The following DNAJC11 variants were observed in gnomAD, a reference collection of about 807,000 sequenced individuals.
DNAJC11 encodes the protein DnaJ heat shock protein family (Hsp40) member C11.
Under a neutral mutation model 78.6 loss-of-function variants are expected in DNAJC11, and 15 were observed. The ratio of observed to expected loss-of-function variants is 0.19; its 90% CI spans 0.13 to 0.29. DNAJC11 has a LOEUF of 0.29. Among genes scored for constraint, DNAJC11 ranks in the 10% least tolerant of loss-of-function variants. DNAJC11 has a pLI of 1.00. For missense variants in DNAJC11, 547 were observed against 709.6 expected, an observed-to-expected ratio of 0.77 and a Z score of 2.60; for synonymous variants, 292 against 272.1, an observed-to-expected ratio of 1.07 and a Z score of -0.72.
chr1:6,654,391 C>T (rs574157329), intron 4 of DNAJC11: 2 of 167,856 alleles, frequency 1.2e-5, no homozygotes, highest in African/African-American at 4.8e-5. Flanking sequence ...TGCACAAAAC[C>T]ACCTAGAAAT....
chr1:6,681,131 G>T, intron 1 of DNAJC11, 94 bp from the exon 2 acceptor site: 1 of 1,324,764 alleles, frequency 7.5e-7, no homozygotes, highest in Non-Finnish European at 1.0e-6. Flanking sequence ...CATCAGCCAC[G>T]TCCCAATGTG....
intron 2 of DNAJC11, among the ~76,000 whole-genome samples, chr1:6,679,011 T>C (rs1046075267): frequency 2.0e-5 from 3 of 152,182 alleles, no homozygotes; most frequent in African/African-American, 7.2e-5. Context: ...GTGTCCAAGT[T>C]ACTCTTGATT....
chr1:6,691,235 G>T (rs1557489551), intron 1 of DNAJC11, among the ~76,000 whole-genome samples: 1 of 150,612 alleles, frequency 6.6e-6, no homozygotes, highest in African/African-American at 2.4e-5. Flanking sequence ...AAGGTTTACG[G>T]GGCAGAGAAG....
intron 7 of DNAJC11, 101 bp from the exon 8 acceptor site, chr1:6,646,079 C>A: frequency 8.4e-7 from 1 of 1,190,862 alleles, no homozygotes; most frequent in Non-Finnish European, 1.2e-6. Flanking sequence ...ACTGTCACGT[C>A]TATGCATCCC....
chr1:6,677,739 G>C (rs541373088), intron 3 of DNAJC11, among the ~76,000 whole-genome samples: 1 of 152,208 alleles, frequency 6.6e-6, no homozygotes, highest in African/African-American at 2.4e-5. Flanking sequence ...CTGCTAGTCA[G>C]TGGCAGTGTG....
chr1:6,652,533 T>G (rs1642071464), intron 6 of DNAJC11, among the ~76,000 whole-genome samples: 1 of 152,136 alleles, frequency 6.6e-6, no homozygotes. Context: ...TGGGTTCATG[T>G]GATTCTCGTG....
At chr1:6,690,053 C>A (rs156987) in intron 1 of DNAJC11, among the ~76,000 whole-genome samples, 32,114 of 152,052 alleles carry the variant, frequency 0.21, 3,827 homozygotes, top group Admixed American at 0.32. Flanking sequence ...TCGGAAAGAT[C>A]AAGTGACTTA....
chr1:6,651,702 T>A (rs1570275932), intron 6 of DNAJC11, 100 bp from the exon 7 acceptor site: 1 of 853,910 alleles, frequency 1.2e-6, no homozygotes, highest in East Asian at 2.6e-5. Flanking sequence ...CTTCATTCAA[T>A]TCACTGGTCT....
intron 1 of DNAJC11, 148 bp downstream of exon 1, chr1:6,701,578 GGGC>G (rs1475905957): frequency 1.4e-6 from 1 of 720,782 alleles, no homozygotes; most frequent in Non-Finnish European, 2.0e-6. Context: ...CGCCTCCATC[GGGC>G]GGCTGGCGTG....
chr1:6,650,858 G>C (rs1400919003), intron 7 of DNAJC11, among the ~76,000 whole-genome samples: 1 of 152,200 alleles, frequency 6.6e-6, no homozygotes, highest in African/African-American at 2.4e-5. Flanking sequence ...GGGCAAGACA[G>C]AGCAAGACCC....
At position 6,694,781 on chromosome 1, in the gene DNAJC11, C is replaced by T. The variant is rs577481402; in HGVS notation, c.72+6948G>A. Among the ~76,000 whole-genome samples the T allele has an allele frequency of 1.3e-4, 20 of 148,158 alleles. No individual in the cohort carries two copies. In the South Asian group the frequency reaches 3.2e-3, roughly 24 times the overall value. On this transcript the variant is annotated intron_variant, in intron 1 of 15. Coordinates refer to ENST00000377577, the MANE Select transcript of DNAJC11 (RefSeq NM_018198.4). Reference sequence around the variant, plus strand: ...GAGATCGAGACCATCCTGGCTAACACGGTGAAACCCCGTCTCTACTAAAAA... The same window carrying T: ...GAGATCGAGACCATCCTGGCTAACATGGTGAAACCCCGTCTCTACTAAAAA...
intron 1 of DNAJC11, among the ~76,000 whole-genome samples, chr1:6,692,805 T>C (rs1270422561): frequency 1.3e-5 from 2 of 152,024 alleles, no homozygotes; most frequent in Non-Finnish European, 2.9e-5. Flanking sequence ...GAGATGGGGT[T>C]TCTCCATGTT....
At chr1:6,675,310 T>G (rs554931149) in intron 3 of DNAJC11, among the ~76,000 whole-genome samples, 228 of 151,816 alleles carry the variant, frequency 1.5e-3, no homozygotes, top group African/African-American at 5.3e-3. Context: ...AAAAGCCAAT[T>G]CTGATCTATG....
intron 3 of DNAJC11, among the ~76,000 whole-genome samples, chr1:6,676,825 A>G (rs1469875565): frequency 6.6e-6 from 1 of 152,198 alleles, no homozygotes; most frequent in Admixed American, 6.5e-5. Context: ...AGGCCTTTAC[A>G]AGGCTTTGAT....
At chr1:6,684,026 T>C (rs1244083526) in intron 1 of DNAJC11, among the ~76,000 whole-genome samples, 1 of 152,154 alleles carries the variant, frequency 6.6e-6, no homozygotes, top group Admixed American at 6.5e-5. Flanking sequence ...GGTTTACTTA[T>C]GTGATGATGT....
At chr1:6,648,702 T>C (rs1642005260) in intron 7 of DNAJC11, among the ~76,000 whole-genome samples, 2 of 152,102 alleles carry the variant, frequency 1.3e-5, no homozygotes, top group South Asian at 4.1e-4. Context: ...AGTGATCGTC[T>C]CACCTGGCCT....
Position 6,653,888 on chromosome 1 carries a change from G to T in DNAJC11, c.507+23C>A, listed in dbSNP as rs765756313. 3 of 1,609,640 alleles carry T rather than the reference G, an allele frequency of 1.9e-6. No homozygotes were observed. Among genetic ancestry groups the T allele is most frequent in the East Asian group, 2.2e-5 (1 of 44,642 alleles). On this transcript the variant is annotated intron_variant, in intron 5 of 15. Transcript: ENST00000377577. This position sits in a 1 kb window ranked among gnomAD's most constrained non-coding sequence, Gnocchi z 4.5. ...ATTAACTCGAGCCCTTGCTGTACTC[G>T]GAGAGGTGGTTGTGTGCTTTACCTC... is the stretch of plus-strand genomic sequence containing the variant.
chr1:6,642,974 A>C (rs971792288), intron 10 of DNAJC11, among the ~76,000 whole-genome samples: 1 of 152,170 alleles, frequency 6.6e-6, no homozygotes, highest in African/African-American at 2.4e-5. Context: ...TGTGCCCTGC[A>C]GTGGTGCCTC....
At chr1:6,651,634 T>C (rs369495911) in intron 6 of DNAJC11, 32 bp from the exon 7 acceptor site, 62 of 1,587,048 alleles carry the variant, frequency 3.9e-5, no homozygotes, top group Non-Finnish European at 5.2e-5. Context: ...AAGGCATTAA[T>C]GGTGTTTTAT....
Sources: allele counts gnomAD v4.1 joint callset (sites outside exome capture counted in the v4.1 genomes callset), GRCh38; gene constraint gnomAD v4.1.1; non-coding constraint Gnocchi (gnomAD v3.1); transcripts MANE v1.5; gene names NCBI Gene and HGNC (gene_info 2026-07-23, HGNC 2026-07-21).